INTS4: variants seen among roughly 807,000 people sequenced by gnomAD.
INTS4 encodes MSTP093.
A neutral mutation model predicts 119.5 loss-of-function variants in INTS4; 70 were observed. The ratio of observed to expected loss-of-function variants is 0.59; its 90% CI spans 0.48 to 0.71. INTS4 has a LOEUF of 0.71. Among genes scored for constraint, INTS4 ranks in the 30% least tolerant of loss-of-function variants. INTS4 has a pLI of 0.00. For missense variants in INTS4, 867 were observed against 1,173.2 expected, an observed-to-expected ratio of 0.74 and a Z score of 3.81; for synonymous variants, 316 against 419.6, an observed-to-expected ratio of 0.75 and a Z score of 3.02.
rs189975696 is a variant in INTS4 at position 77,907,963 on chromosome 11, T to G, written c.1923-153A>C. On this transcript the variant is annotated intron_variant, in intron 15 of 22. Transcript: ENST00000534064. Reference sequence around the variant, plus strand: ...GAATGCTGGAGTGGTTATAATAAAATTGGTTCACTCACACTGTGATAGTAG... The same window carrying G: ...GAATGCTGGAGTGGTTATAATAAAAGTGGTTCACTCACACTGTGATAGTAG... 6.5e-3 allele frequency among the ~76,000 whole-genome samples: 986 copies of G among 152,312 alleles called. 2 individuals are homozygous for G. The highest frequency in any genetic ancestry group is 0.01 in the Non-Finnish European group (700 of 68,020).
chr11:77,968,373 A>G (rs1376011056), intron 4 of INTS4, among the ~76,000 whole-genome samples: 3 of 152,230 alleles, frequency 2.0e-5, no homozygotes, highest in African/African-American at 7.2e-5. Context: ...ACATTATGCT[A>G]AGAAAAATAA....
intron 10 of INTS4, among the ~76,000 whole-genome samples, chr11:77,932,682 C>T (rs1438324218): frequency 6.6e-6 from 1 of 152,020 alleles, no homozygotes; most frequent in Non-Finnish European, 1.5e-5. Context: ...GCACTATTCA[C>T]AAGTAAAGAC....
rs528402328 is a variant in INTS4 at position 77,925,002 on chromosome 11, A to G, written c.1372-110T>C. ...CCTTCCCATCTAGGGTGGCCATGTA[A>G]CAAAGTATGTGGAAGTTTTTTAGCT... On this transcript the variant is annotated intron_variant, in intron 11 of 22. Coordinates refer to ENST00000534064, the MANE Select transcript of INTS4 (RefSeq NM_033547.4). 1.8e-5 allele frequency: 13 copies of G among 729,334 alleles called. No homozygotes were observed. In the South Asian group the frequency reaches 3.0e-4, roughly 17 times the overall value. The allele number at this position is 729,334 out of a possible 1,614,324, so 45.2% of individuals were successfully genotyped here.
intron 10 of INTS4, among the ~76,000 whole-genome samples, chr11:77,935,928 G>C (rs1050694720): frequency 7.7e-5 from 3 of 38,934 alleles, no homozygotes; most frequent in Admixed American, 2.3e-4. Context: ...GAGGTTTTGC[G>C]CTTCAAGTAG....
intron 2 of INTS4, among the ~76,000 whole-genome samples, chr11:77,982,732 GA>G (rs1565290968): frequency 6.6e-6 from 1 of 151,844 alleles, no homozygotes; most frequent in East Asian, 1.9e-4. Context: ...GAAATGAGAG[GA>G]AAAAAAGTAC....
At chr11:77,911,892 T>C (rs1456812643) in intron 15 of INTS4, among the ~76,000 whole-genome samples, 1 of 152,210 alleles carries the variant, frequency 6.6e-6, no homozygotes, top group African/African-American at 2.4e-5. Flanking sequence ...TTTAAGTGGC[T>C]TGCCTAAGGT....
At chr11:77,901,791 A>T (rs1450544844) in intron 17 of INTS4, among the ~76,000 whole-genome samples, 1 of 151,928 alleles carries the variant, frequency 6.6e-6, no homozygotes, top group African/African-American at 2.4e-5. Flanking sequence ...TGATGTGAAG[A>T]TAAGAAAGTT....
rs1355236032 is a variant in INTS4, at chr11:77,912,412, C to T, written c.1923-4602G>A. On this transcript the variant is annotated intron_variant, in intron 15 of 22. Coordinates refer to ENST00000534064, the MANE Select transcript of INTS4 (RefSeq NM_033547.4). ...ACACTGGGCCACTTTTCTTTAGATG[C>T]TATCAGGCAGAGCAAAACAGTTCCT... Among the ~76,000 whole-genome samples, 7 of 151,794 alleles carry T rather than the reference C, an allele frequency of 4.6e-5. No individual in the cohort carries two copies. The East Asian group carries it at 7.8e-4, about 17-fold the overall frequency.
At position 77,974,761 on chromosome 11, in the gene INTS4, C is replaced by T. The variant is rs188354704; in HGVS notation, c.471+4235G>A. Reference sequence around the variant, plus strand: ...GACTACAGGTACAAGCCACCAGACCCGGCTAATTTTTTTGTTTTATGTAGA... The same window carrying T: ...GACTACAGGTACAAGCCACCAGACCTGGCTAATTTTTTTGTTTTATGTAGA... On this transcript the variant is annotated intron_variant, in intron 4 of 22. Transcript: ENST00000534064. Among the ~76,000 whole-genome samples the T allele has an allele frequency of 1.1e-3, 172 of 152,024 alleles. 1 individual carries two copies. Among genetic ancestry groups the T allele is most frequent in the Non-Finnish European group, 1.6e-3 (109 of 67,998 alleles).
intron 16 of INTS4, among the ~76,000 whole-genome samples, chr11:77,907,363 C>T (rs1264131781): frequency 1.3e-5 from 2 of 152,156 alleles, no homozygotes; most frequent in Admixed American, 6.5e-5. Flanking sequence ...TGTGAGCCAC[C>T]GCACCTGGCC....
intron 9 of INTS4, among the ~76,000 whole-genome samples, chr11:77,940,765 T>C (rs1049065711): frequency 2.6e-5 from 4 of 152,098 alleles, no homozygotes; most frequent in African/African-American, 7.2e-5. Context: ...GTCACCCAAG[T>C]AGCTAGGACT....
In INTS4 at chr11:77,956,031, T is replaced by G. The variant is rs758383794; in HGVS notation, c.829A>C (p.Ile277Leu). 2.5e-6 allele frequency: 4 copies of G among 1,604,722 alleles called. No homozygotes were observed. The Admixed American group carries it at 6.9e-5, about 28-fold the overall frequency. ...IVPIPSSNEE[I>L]RLVDDAFGKI... ...CCAAACGCATCATCAACTAAGCGTA[T>G]TTCTTCATTAGAAGAAGGAATTGGG... The change falls in exon 8 of 23, where the codon ATA becomes CTA. Residue 277 changes from isoleucine (I) to leucine (L), a missense_variant. By Grantham distance (5) the Ile-to-Leu change is conservative (BLOSUM62 2). Coordinates refer to ENST00000534064, the MANE Select transcript of INTS4 (RefSeq NM_033547.4).
At chr11:77,902,057 C>T (rs1441964941) in intron 17 of INTS4, among the ~76,000 whole-genome samples, 4 of 152,170 alleles carry the variant, frequency 2.6e-5, no homozygotes, top group African/African-American at 4.8e-5. Flanking sequence ...ATCAAGTCCC[C>T]GATCTTGCTC....
chr11:77,882,941 G>A (rs949772621), intron 22 of INTS4, among the ~76,000 whole-genome samples: 8 of 151,950 alleles, frequency 5.3e-5, no homozygotes, highest in African/African-American at 1.5e-4. Context: ...GTGTAGTGAC[G>A]TGCACCTGTA....
intron 4 of INTS4, among the ~76,000 whole-genome samples, chr11:77,968,886 G>A (rs1173548875): frequency 1.3e-5 from 2 of 152,020 alleles, no homozygotes; most frequent in Admixed American, 6.6e-5. Context: ...TAGCCAAAAC[G>A]TGGAAAAAAT....
intron 14 of INTS4, among the ~76,000 whole-genome samples, chr11:77,919,695 TA>T (rs1953292542): frequency 6.6e-6 from 1 of 152,264 alleles, no homozygotes; most frequent in African/African-American, 2.4e-5. Flanking sequence ...AATTTTTTTT[TA>T]TTTTTGGCCT....
At chr11:77,913,842 A>G (rs925482975) in intron 15 of INTS4, among the ~76,000 whole-genome samples, 1 of 152,118 alleles carries the variant, frequency 6.6e-6, no homozygotes, top group Non-Finnish European at 1.5e-5. Flanking sequence ...CACTCATACT[A>G]ACAAATACAT....
rs769873160 is a variant in INTS4 at position 77,879,097 on chromosome 11, A to ATG, written c.2743_2744insCA (p.Leu915ProfsTer39). 6.2e-7 allele frequency: 1 copy of ATG among 1,614,222 alleles called. No homozygotes were observed. On this transcript the variant is annotated frameshift_variant, in exon 23 of 23. Coordinates refer to ENST00000534064, the MANE Select transcript of INTS4 (RefSeq NM_033547.4). LOFTEE classifies it high-confidence loss of function. ...AATGCGAGCACTGGAGTTGTAGGCC[A>ATG]GCAGCAGCCTCACTTCCACCTGGCA...
intron 11 of INTS4, 118 bp from the exon 12 acceptor site, chr11:77,925,010 T>C (rs1953462126): frequency 1.5e-6 from 1 of 664,426 alleles, no homozygotes; most frequent in Non-Finnish European, 2.5e-6. Context: ...TAACAAAGTA[T>C]GTGGAAGTTT....
Sources: allele counts gnomAD v4.1 joint callset (sites outside exome capture counted in the v4.1 genomes callset), GRCh38; gene constraint gnomAD v4.1.1; transcripts MANE v1.5; gene names NCBI Gene and HGNC (gene_info 2026-07-23, HGNC 2026-07-21).